Variants in ATM observed in about 807,000 individuals in gnomAD.
ATM encodes the protein serine-protein kinase ATM.
A neutral mutation model predicts 387.0 loss-of-function variants in ATM; 308 were observed. The observed-to-expected ratio is 0.80, with a 90% CI of 0.73 to 0.87. The LOEUF is 0.87. Among genes scored for constraint, ATM ranks in the 40% least tolerant of loss-of-function variants. The pLI, the probability that ATM is intolerant of heterozygous loss-of-function variation, is 0.00. For missense variants in ATM, 3,312 were observed against 3,560.9 expected (o/e 0.93, Z 1.78); for synonymous variants, 1,156 against 1,187.3 (o/e 0.97, Z 0.54).
chr11:108,353,727 C>A (rs2137281033), intron 59 of ATM, 39 bp from the exon 60 acceptor site: 2 of 1,473,242 alleles, frequency 1.4e-6, no homozygotes, highest in Non-Finnish European at 1.9e-6. Context: ...AGTAAATTAG[C>A]TGTCAAACCT....
chr11:108,308,734 G>A (rs2083886537), intron 38 of ATM: 2 of 376,840 alleles, frequency 5.3e-6, no homozygotes, highest in South Asian at 7.5e-5. Flanking sequence ...ATGTTTTTAA[G>A]CCTAAATGCA....
At chr11:108,253,651 C>T (rs1280428042) in intron 12 of ATM, among the ~76,000 whole-genome samples, 163 bp from the exon 13 acceptor site, 1 of 151,506 alleles carries the variant, frequency 6.6e-6, no homozygotes, top group African/African-American at 2.4e-5. Flanking sequence ...TCTCAAAGTC[C>T]GAAGAAGAGA....
At chr11:108,293,749 G>A (rs954060937) in intron 31 of ATM, among the ~76,000 whole-genome samples, 2 of 151,362 alleles carry the variant, frequency 1.3e-5, no homozygotes, top group African/African-American at 2.4e-5. Flanking sequence ...ATGGTGATAT[G>A]TGCTTGTAGA....
chr11:108,265,911 A>T (rs2081207063), intron 16 of ATM, among the ~76,000 whole-genome samples: 1 of 145,844 alleles, frequency 6.9e-6, no homozygotes, highest in Admixed American at 7.0e-5. Flanking sequence ...CATCAGAGAA[A>T]TGCAAATCAA....
At position 108,304,693 on chromosome 11, in the gene ATM, C is replaced by T. The variant is rs786204751; in HGVS notation, c.5515C>T (p.Gln1839Ter). The T allele has an allele frequency of 8.7e-6, 14 of 1,613,854 alleles. No homozygotes were observed. The highest frequency in any genetic ancestry group is 1.2e-5 in the Non-Finnish European group (14 of 1,179,904). Residue 1839 changes from glutamine (Q) to a stop codon, truncating the protein, a stop_gained, in exon 37 of 63, where the codon CAG (glutamine) becomes TAG (stop). Transcript: ENST00000675843. LOFTEE classifies it high-confidence loss of function. ...PMCEVKTDFC[Q>*]TVLPYLIHDI... ...ATTCTAGGTGAAAACTGACTTTTGT[C>T]AGACTGTACTTCCATACTTGATTCA...
At chr11:108,276,224 CT>C (rs2081941704) in intron 22 of ATM, among the ~76,000 whole-genome samples, 1 of 152,178 alleles carries the variant, frequency 6.6e-6, no homozygotes, top group Non-Finnish European at 1.5e-5. Flanking sequence ...CATTTATGTT[CT>C]TCTCTACACT....
At chr11:108,279,718 TATAA>T (rs1204976908) in intron 23 of ATM, 110 bp downstream of exon 23, 1 of 870,970 alleles carries the variant, frequency 1.1e-6, no homozygotes, top group Non-Finnish European at 1.9e-6. Flanking sequence ...TAGTTTACAG[TATAA>T]AGCTGCTCTA....
chr11:108,287,497 G>C, intron 26 of ATM, 103 bp from the exon 27 acceptor site: 1 of 704,646 alleles, frequency 1.4e-6, no homozygotes, highest in Non-Finnish European at 2.4e-6. Flanking sequence ...TTCTTTTACA[G>C]TCATCGAATA....
Position 108,317,504 on chromosome 11 carries a change from C to G in ATM, c.6330C>G (p.Asp2110Glu), listed in dbSNP as rs759029705. The G allele has an allele frequency of 6.2e-7, 1 of 1,609,582 alleles. No individual in the cohort carries two copies. Among genetic ancestry groups the G allele is most frequent in the South Asian group, 1.1e-5 (1 of 90,968 alleles). The change falls in exon 43 of 63, where the codon GAC becomes GAG. Residue 2110 changes from aspartate to glutamate, a missense_variant. By Grantham distance (45) the Asp-to-Glu change is conservative. Coordinates refer to ENST00000675843, the MANE Select transcript of ATM (RefSeq NM_000051.4). Reference protein sequence around the residue: ...YQAAWRNMQWDHCTSVSKEVE... With the variant: ...YQAAWRNMQWEHCTSVSKEVE... ...CAGCATGGAGGAATATGCAGTGGGA[C>G]CATTGCACTTCCGTCAGGTAAGAAA... is the stretch of plus-strand genomic sequence containing the variant.
At chr11:108,321,229 AC>A in intron 44 of ATM, 71 bp from the exon 45 acceptor site, 1 of 1,595,372 alleles carries the variant, frequency 6.3e-7, no homozygotes, top group Non-Finnish European at 8.6e-7. Flanking sequence ...CTCTTTAACA[AC>A]AAATTTAAAC....
intron 43 of ATM, among the ~76,000 whole-genome samples, chr11:108,317,737 T>C (rs2084873122): frequency 6.7e-6 from 1 of 148,684 alleles, no homozygotes; most frequent in Non-Finnish European, 1.5e-5. Context: ...AAAAAATATA[T>C]AGTAGATGTT....
intron 50 of ATM, 115 bp from the exon 51 acceptor site, chr11:108,331,329 T>G: frequency 2.0e-6 from 3 of 1,472,392 alleles, no homozygotes; most frequent in Non-Finnish European, 1.8e-6. Context: ...TAGTGAAGTT[T>G]TGTTAACCAC....
chr11:108,335,358 G>A, intron 55 of ATM: 1 of 1,211,502 alleles, frequency 8.3e-7, no homozygotes, highest in East Asian at 3.1e-5. Context: ...GTACAGACAT[G>A]TACAGTGAGG....
chr11:108,308,819 C>A (rs2083893784), intron 38 of ATM: 1 of 545,938 alleles, frequency 1.8e-6, no homozygotes, highest in Admixed American at 3.1e-5. Context: ...AAGTTTTATG[C>A]TTTTCAGTGT....
At position 108,244,941 on chromosome 11, in the gene ATM, T is replaced by A. The variant is rs1212125710; in HGVS notation, c.816T>A (p.Asn272Lys). 6.2e-7 allele frequency: 1 copy of A among 1,613,512 alleles called. No homozygotes were observed. Among genetic ancestry groups the A allele is most frequent in the Non-Finnish European group, 8.5e-7 (1 of 1,179,714 alleles). The change falls in exon 7 of 63, where the codon AAT (asparagine) becomes AAA (lysine). Residue 272 changes from asparagine to lysine, a missense_variant. By Grantham distance (94) the Asn-to-Lys change is moderately conservative (BLOSUM62 0). Coordinates refer to ENST00000675843, the MANE Select transcript of ATM (RefSeq NM_000051.4). ...LLYIWTQHRL[N>K]DSLKEVIIEL... ...ATATTTGGACTCAACATAGGCTTAA[T>A]GATTCTTTAAAAGAAGTCATTATTG...
At chr11:108,357,720 C>G (rs914537221) in intron 61 of ATM, among the ~76,000 whole-genome samples, 26 of 152,272 alleles carry the variant, frequency 1.7e-4, no homozygotes, top group African/African-American at 5.8e-4. Flanking sequence ...TCCAACAGAC[C>G]TGCAGCTGAG....
intron 61 of ATM, among the ~76,000 whole-genome samples, chr11:108,358,593 T>A (rs952742833): frequency 8.1e-6 from 1 of 123,424 alleles, no homozygotes; most frequent in African/African-American, 3.1e-5. Flanking sequence ...TAACAGCAGA[T>A]CTCTCGGCAG....
chr11:108,293,182 A>G, intron 30 of ATM, 131 bp from the exon 31 acceptor site: 1 of 645,092 alleles, frequency 1.6e-6, no homozygotes, highest in Non-Finnish European at 2.5e-6. Flanking sequence ...AAAGCTGGGT[A>G]TCTTAGACGT....
At position 108,268,621 on chromosome 11, in the gene ATM, T is replaced by G. The variant is rs1270517203; in HGVS notation, c.2838+12T>G. 6.2e-7 allele frequency: 1 copy of G among 1,612,644 alleles called. No homozygotes were observed. Reference sequence around the variant, plus strand: ...TCCACCTGCATATGGTGAGTTACGTTAAATGAAGAAGCTCTTGGATTTTAT... The same window carrying G: ...TCCACCTGCATATGGTGAGTTACGTGAAATGAAGAAGCTCTTGGATTTTAT... On this transcript the variant is annotated intron_variant, in intron 18 of 62. Coordinates refer to ENST00000675843, the MANE Select transcript of ATM (RefSeq NM_000051.4).
Sources: allele counts gnomAD v4.1 joint callset (sites outside exome capture counted in the v4.1 genomes callset), GRCh38; gene constraint gnomAD v4.1.1; transcripts MANE v1.5; gene names NCBI Gene and HGNC (gene_info 2026-07-23, HGNC 2026-07-21).